NEK1: variants seen among roughly 807,000 people sequenced by gnomAD.
NEK1 encodes NIMA related kinase 1.
Under a neutral mutation model 182.1 loss-of-function variants are expected in NEK1, and 137 were observed. That is an observed-to-expected ratio of 0.75 (90% CI 0.65 to 0.87). The LOEUF is 0.87. NEK1 is among the 40% of genes least tolerant of loss of function. The probability of loss-of-function intolerance (pLI) is 0.00; values close to 1 mark genes in which losing one functional copy is unlikely to be tolerated. For synonymous variants in NEK1, 513 were observed against 492.2 expected (o/e 1.04, Z -0.56); for missense variants, 1,391 against 1,494.4 (o/e 0.93, Z 1.14).
chr4:169,522,936 T>C (rs1200138539), intron 19 of NEK1, among the ~76,000 whole-genome samples: 1 of 152,212 alleles, frequency 6.6e-6, no homozygotes, highest in Non-Finnish European at 1.5e-5. Flanking sequence ...GTCCAAGATA[T>C]ACGGGAGACA....
At chr4:169,432,764 A>C (rs951709204) in intron 29 of NEK1, among the ~76,000 whole-genome samples, 1 of 152,006 alleles carries the variant, frequency 6.6e-6, no homozygotes, top group East Asian at 1.9e-4. Context: ...GCATATCATC[A>C]TACTTTAATT....
chr4:169,508,280 G>C lies in NEK1; in HGVS notation c.1801C>G (p.Gln601Glu). The C allele has an allele frequency of 6.3e-7, 1 of 1,594,886 alleles. No homozygotes were observed. The highest frequency in any genetic ancestry group is 8.5e-7 in the Non-Finnish European group (1 of 1,171,312). Residue 601 changes from glutamine (Q) to glutamate (E), a missense_variant, in exon 21 of 36, where the codon CAA becomes GAA. Gln to Glu is a conservative substitution (Grantham distance 29). Coordinates refer to ENST00000507142, the MANE Select transcript of NEK1 (RefSeq NM_001199397.3). Reference protein sequence around the residue: ...QIRLQNFNERQQIKAKLRGEK... With the variant: ...QIRLQNFNEREQIKAKLRGEK... ...CCACGAAGTTTGGCTTTAATCTGTT[G>C]GCGCTCATTGAAATTCTGTAGTCTT... is the stretch of plus-strand genomic sequence containing the variant.
At chr4:169,513,555 A>G (rs1354958848) in intron 19 of NEK1, among the ~76,000 whole-genome samples, 2 of 152,180 alleles carry the variant, frequency 1.3e-5, no homozygotes, top group Admixed American at 1.3e-4. Flanking sequence ...TCAATTCTGT[A>G]TGCCCCTTCT....
chr4:169,405,886 T>C (rs542390748), intron 32 of NEK1, among the ~76,000 whole-genome samples: 6 of 152,236 alleles, frequency 3.9e-5, no homozygotes, highest in Admixed American at 3.9e-4. Context: ...GGCAGATCGC[T>C]TGAGGTCAGG....
At chr4:169,439,242 T>C (rs773523694) in intron 27 of NEK1, among the ~76,000 whole-genome samples, 3 of 152,200 alleles carry the variant, frequency 2.0e-5, no homozygotes, top group Non-Finnish European at 2.9e-5. Context: ...TCCTTGCTCA[T>C]TGGTCTCAAT....
At chr4:169,520,981 AG>A in intron 19 of NEK1, among the ~76,000 whole-genome samples, 1 of 46,558 alleles carries the variant, frequency 2.1e-5, no homozygotes. Context: ...CCCTGCCCCC[AG>A]AGGTGGAGCC....
Position 169,400,244 on chromosome 4 carries a change from T to A in NEK1, c.3828A>T (p.Ala1276=), listed in dbSNP as rs757185442. 1 of 1,580,324 alleles carries A rather than the reference T, an allele frequency of 6.3e-7. No homozygotes were observed. The highest frequency in any genetic ancestry group is 1.2e-5 in the South Asian group (1 of 86,164). ...LYAKILHLVM[A]DGAYQEDNDE is the part of the protein sequence containing the mutation. The stretch of plus-strand genomic sequence containing the variant: ...TCTTACCTTCTTGGTAGGCTCCATC[T>A]GCCATGACTAAATGAAGAATCTTGG... The change falls in exon 35 of 36, where the codon GCA becomes GCT. Residue 1276 remains alanine, a synonymous_variant. Transcript: ENST00000507142.
chr4:169,409,420 A>G (rs1733252907), intron 31 of NEK1, among the ~76,000 whole-genome samples: 1 of 151,892 alleles, frequency 6.6e-6, no homozygotes. Flanking sequence ...CTGGGATTAC[A>G]GGCGTGAGCC....
intron 33 of NEK1, among the ~76,000 whole-genome samples, chr4:169,401,194 G>A (rs1193586720): frequency 6.6e-6 from 1 of 152,104 alleles, no homozygotes; most frequent in Non-Finnish European, 1.5e-5. Context: ...ATATCATATA[G>A]TTATTGAAAC....
Position 169,603,706 on chromosome 4 carries a change from A to T in NEK1, c.-48-1028T>A, listed in dbSNP as rs186423542. On this transcript the variant is annotated intron_variant, in intron 2 of 35. Transcript: ENST00000507142. ...AAAAATTCTTCCACATTTATTGAACATTTTTTTTTTTTTTTTTTTAAGACA... is the reference window on the plus strand; with the variant it reads ...AAAAATTCTTCCACATTTATTGAACTTTTTTTTTTTTTTTTTTTTAAGACA... Among the ~76,000 whole-genome samples, 1,045 of 129,668 alleles carry T rather than the reference A, an allele frequency of 8.1e-3. 24 individuals carry two copies. The highest frequency in any genetic ancestry group is 0.078 in the South Asian group (320 of 4,124). 85.1% of individuals were successfully genotyped at this position (129,668 alleles called of 152,430 possible).
chr4:169,490,920 G>T (rs1168050905), intron 23 of NEK1, among the ~76,000 whole-genome samples: 3 of 152,016 alleles, frequency 2.0e-5, no homozygotes, highest in Non-Finnish European at 2.9e-5. Context: ...AAGGCGGGAG[G>T]ATCACGAGGT....
At chr4:169,458,764 G>A (rs1041798803) in intron 27 of NEK1, among the ~76,000 whole-genome samples, 1 of 150,950 alleles carries the variant, frequency 6.6e-6, no homozygotes, top group African/African-American at 2.5e-5. Flanking sequence ...GGGAGGTTGA[G>A]GCTGCAGTGA....
intron 18 of NEK1, among the ~76,000 whole-genome samples, chr4:169,549,876 T>C (rs1318864016): frequency 2.6e-5 from 4 of 152,160 alleles, no homozygotes; most frequent in African/African-American, 9.7e-5. Flanking sequence ...CCCACCACCA[T>C]GCCCAGTTCA....
chr4:169,574,611 GAAAA>G (rs1235699069), intron 12 of NEK1, among the ~76,000 whole-genome samples: 3 of 69,118 alleles, frequency 4.3e-5, no homozygotes, highest in African/African-American at 1.4e-4. Flanking sequence ...CACCTCAAAA[GAAAA>G]AAAAAAAAAA....
At chr4:169,550,275 T>C (rs1315678604) in intron 18 of NEK1, among the ~76,000 whole-genome samples, 1 of 152,230 alleles carries the variant, frequency 6.6e-6, no homozygotes, top group Admixed American at 6.5e-5. Flanking sequence ...CTTTGCCTTC[T>C]ACCATGATTG....
At chr4:169,480,553 C>T (rs1345481231) in intron 23 of NEK1, among the ~76,000 whole-genome samples, 3 of 148,626 alleles carry the variant, frequency 2.0e-5, no homozygotes, top group African/African-American at 7.5e-5. Flanking sequence ...TCTGAGCCTT[C>T]AATGAATTGT....
intron 29 of NEK1, among the ~76,000 whole-genome samples, chr4:169,432,449 G>T (rs1737614624): frequency 6.6e-6 from 1 of 152,090 alleles, no homozygotes; most frequent in African/African-American, 2.4e-5. Flanking sequence ...AGCATCATTT[G>T]TAATGTCAAT....
chr4:169,590,385 A>T (rs1357206405), intron 6 of NEK1, among the ~76,000 whole-genome samples: 1 of 152,180 alleles, frequency 6.6e-6, no homozygotes, highest in African/African-American at 2.4e-5. Flanking sequence ...ACCCATTTAT[A>T]TAAAATGTCC....
chr4:169,480,073 A>G (rs141050578), intron 23 of NEK1, among the ~76,000 whole-genome samples: 12 of 152,288 alleles, frequency 7.9e-5, no homozygotes, highest in African/African-American at 2.9e-4. Context: ...TAAACTCTAA[A>G]CAAAGTAAGA....
Sources: allele counts gnomAD v4.1 joint callset (sites outside exome capture counted in the v4.1 genomes callset), GRCh38; gene constraint gnomAD v4.1.1; transcripts MANE v1.5; gene names NCBI Gene and HGNC (gene_info 2026-07-23, HGNC 2026-07-21).